ZEB2: variants seen among roughly 807,000 people sequenced by gnomAD.
ZEB2 encodes the protein zinc finger E-box-binding homeobox 2.
In ZEB2, 6 loss-of-function variants were observed where a neutral mutation model predicts 99.9. The observed-to-expected ratio is 0.06, with a 90% CI of 0.03 to 0.12. The LOEUF (loss-of-function observed/expected upper bound fraction) is 0.12, where lower values mean the gene tolerates loss of function less well. Among genes scored for constraint, ZEB2 ranks in the 10% least tolerant of loss-of-function variants. The pLI is 1.00. For missense variants in ZEB2, 969 were observed against 1,502.8 expected, an observed-to-expected ratio of 0.64 and a Z score of 5.87; for synonymous variants, 517 against 542.5, an observed-to-expected ratio of 0.95 and a Z score of 0.65.
intron 2 of ZEB2, among the ~76,000 whole-genome samples, chr2:144,451,524 C>G (rs1203869605): frequency 2.6e-5 from 4 of 152,034 alleles, no homozygotes; most frequent in Non-Finnish European, 5.9e-5. Flanking sequence ...TGAAGGTGTA[C>G]TAGGAAAACT....
At chr2:144,405,075 A>G in intron 4 of ZEB2, 51 bp from the exon 5 acceptor site, 1 of 1,576,308 alleles carries the variant, frequency 6.3e-7, no homozygotes, top group Non-Finnish European at 8.6e-7. Context: ...TCTTCCTAGG[A>G]TCCCAAGTCC....
At chr2:144,414,916 G>A (rs983167530) in intron 4 of ZEB2, among the ~76,000 whole-genome samples, 1 of 151,786 alleles carries the variant, frequency 6.6e-6, no homozygotes, top group African/African-American at 2.4e-5. Context: ...GAATATGGGG[G>A]GAAGTCAGTT....
chr2:144,506,521 A>C (rs1424703789), intron 2 of ZEB2, among the ~76,000 whole-genome samples: 1 of 152,220 alleles, frequency 6.6e-6, no homozygotes, highest in African/African-American at 2.4e-5. Context: ...ATTGATGTGC[A>C]TGGTGTCTAA....
intron 9 of ZEB2, chr2:144,390,451 T>C: frequency 3.2e-6 from 1 of 309,378 alleles, no homozygotes; most frequent in Non-Finnish European, 6.3e-6. Context: ...ATCGCTGGCA[T>C]TGGCATGTAT....
At chr2:144,493,784 T>A (rs1329051152) in intron 2 of ZEB2, among the ~76,000 whole-genome samples, 1 of 152,164 alleles carries the variant, frequency 6.6e-6, no homozygotes, top group Non-Finnish European at 1.5e-5. Flanking sequence ...CCCATCCCAT[T>A]CACCTCTCTT....
At chr2:144,507,281 A>T (rs1704963425) in intron 2 of ZEB2, 1 of 152,244 alleles carries the variant, frequency 6.6e-6, no homozygotes, top group South Asian at 2.1e-4. Context: ...GATTAGATAC[A>T]ATAGAGTATG....
At chr2:144,479,960 A>T (rs1024139197) in intron 2 of ZEB2, among the ~76,000 whole-genome samples, 4 of 152,112 alleles carry the variant, frequency 2.6e-5, no homozygotes, top group African/African-American at 9.7e-5. Context: ...CACCAGACAC[A>T]ATCATCCTCT....
chr2:144,486,185 C>T (rs1316421394), intron 2 of ZEB2, among the ~76,000 whole-genome samples: 2 of 152,126 alleles, frequency 1.3e-5, no homozygotes, highest in Non-Finnish European at 2.9e-5. Flanking sequence ...GAAAAGCACT[C>T]TTGCAAACAA....
intron 4 of ZEB2, among the ~76,000 whole-genome samples, chr2:144,422,798 C>T (rs576253023): frequency 2.7e-4 from 41 of 151,104 alleles, no homozygotes; most frequent in Middle Eastern, 3.4e-3. Flanking sequence ...ACACTCTTGT[C>T]TCAAACAAAA....
chr2:144,477,774 A>C (rs1704450555), intron 2 of ZEB2, among the ~76,000 whole-genome samples: 1 of 152,236 alleles, frequency 6.6e-6, no homozygotes, highest in African/African-American at 2.4e-5. Flanking sequence ...AGATGTACAG[A>C]ACCATGTAAA....
At chr2:144,508,313 T>C (rs1274478392) in intron 2 of ZEB2, among the ~76,000 whole-genome samples, 1 of 152,140 alleles carries the variant, frequency 6.6e-6, no homozygotes, top group African/African-American at 2.4e-5. Flanking sequence ...ACCATATTTA[T>C]AACTCAAGTT....
chr2:144,432,127 T>G (rs1176732415), intron 2 of ZEB2, among the ~76,000 whole-genome samples: 1 of 151,892 alleles, frequency 6.6e-6, no homozygotes, highest in African/African-American at 2.4e-5. Flanking sequence ...AAAAGAGAGA[T>G]AAATGATTTA....
At chr2:144,513,833 A>C (rs1350346534) in intron 2 of ZEB2, 1 of 1,534,908 alleles carries the variant, frequency 6.5e-7, no homozygotes, top group African/African-American at 1.4e-5. Flanking sequence ...CAGGGGAAAG[A>C]AAAAGGGGGG....
At chr2:144,394,568 T>C (rs1375442405) in intron 9 of ZEB2, 2 of 152,258 alleles carry the variant, frequency 1.3e-5, no homozygotes, top group African/African-American at 4.8e-5. Flanking sequence ...CTTTACTTTG[T>C]AAATGCTTAA....
chr2:144,396,239 T>C (rs989169033), intron 9 of ZEB2, among the ~76,000 whole-genome samples, 173 bp downstream of exon 9: 4 of 152,174 alleles, frequency 2.6e-5, no homozygotes, highest in African/African-American at 4.8e-5. Context: ...ACATGAATGA[T>C]CCAATAAACA....
chr2:144,513,514 TTCA>T, intron 2 of ZEB2: 1 of 1,527,650 alleles, frequency 6.5e-7, no homozygotes, highest in Non-Finnish European at 8.7e-7. Context: ...AAAAGACAAC[TTCA>T]TTTCTTTCTC....
At chr2:144,517,590 C>G (rs554472461) in intron 1 of ZEB2, 171 bp from the exon 2 acceptor site, 5 of 546,856 alleles carry the variant, frequency 9.1e-6, no homozygotes, top group East Asian at 4.2e-5. Flanking sequence ...GCCTTGGCCC[C>G]GAGGCGCTTT....
chr2:144,455,649 G>A (rs1450028374), intron 2 of ZEB2, among the ~76,000 whole-genome samples: 1 of 152,144 alleles, frequency 6.6e-6, no homozygotes, highest in East Asian at 1.9e-4. Flanking sequence ...TATTTGTGCA[G>A]CATAAGTTTA....
At chr2:144,415,323 G>A (rs1326696807) in intron 4 of ZEB2, among the ~76,000 whole-genome samples, 1 of 152,124 alleles carries the variant, frequency 6.6e-6, no homozygotes, top group Non-Finnish European at 1.5e-5. Context: ...GCAGGTATTA[G>A]TTATTAGTTA....
Sources: allele counts gnomAD v4.1 joint callset (sites outside exome capture counted in the v4.1 genomes callset), GRCh38; gene constraint gnomAD v4.1.1; transcripts MANE v1.5; gene names NCBI Gene and HGNC (gene_info 2026-07-23, HGNC 2026-07-21).